Variants in VWDE observed in about 807,000 individuals in gnomAD.
VWDE encodes von Willebrand factor D and EGF domain-containing protein.
VWDE carries 207 observed loss-of-function variants against 178.4 expected under a neutral mutation model. The observed-to-expected ratio is 1.16, with a 90% CI of 1.04 to 1.30. VWDE has a LOEUF of 1.30. VWDE is among the 50% of genes most tolerant of loss of function. The pLI is 0.00. For synonymous variants in VWDE, 738 were observed against 651.4 expected (o/e 1.13, Z -2.02); for missense variants, 2,287 against 1,901.3 (o/e 1.20, Z -3.77).
At chr7:12,395,415 A>G (rs1390127620) in intron 1 of VWDE, among the ~76,000 whole-genome samples, 4 of 152,070 alleles carry the variant, frequency 2.6e-5, no homozygotes, top group Admixed American at 1.3e-4. Flanking sequence ...GAAAAAAATC[A>G]ATAACTCCAT....
rs1389102375 is a variant in VWDE at position 12,356,174 on chromosome 7, C to T, written c.3682G>A (p.Gly1228Ser). The change falls in exon 18 of 29, where the codon GGT (glycine) becomes AGT (serine). Residue 1228 changes from glycine to serine, a missense_variant. By Grantham distance (56) the Gly-to-Ser change is moderately conservative. Transcript: ENST00000275358. ...AAACCACTAATATAGCTGCCAAGAC[C>T]ACAAGGGTTGGATTGGCACCCACTA... ...DISGCQSNPCGLGSYISGFHS... is the reference protein window; with the variant it reads ...DISGCQSNPCSLGSYISGFHS... 6.4e-6 allele frequency: 10 copies of T among 1,551,406 alleles called. 1 individual carries two copies. Among genetic ancestry groups the T allele is most frequent in the African/African-American group, 2.7e-5 (2 of 73,086 alleles).
chr7:12,364,857 T>A (rs1054292868), intron 13 of VWDE, among the ~76,000 whole-genome samples: 1 of 152,042 alleles, frequency 6.6e-6, no homozygotes, highest in Non-Finnish European at 1.5e-5. Flanking sequence ...AACAGGGAGC[T>A]TAAAGTGAAG....
intron 15 of VWDE, 91 bp from the exon 16 acceptor site, chr7:12,359,783 A>G (rs966935673): frequency 2.8e-6 from 2 of 723,970 alleles, no homozygotes; most frequent in Middle Eastern, 3.1e-4. Context: ...TGTATTGATG[A>G]TTCCAACGAA....
At position 12,340,360 on chromosome 7, in the gene VWDE, A is replaced by G; in HGVS notation, c.4328T>C (p.Leu1443Pro). Residue 1443 changes from leucine (L) to proline (P), a missense_variant, in exon 24 of 29, where the codon CTC becomes CCC. Physicochemically the swap from Leu to Pro is moderately conservative, Grantham distance 98. Transcript: ENST00000275358. Reference sequence around the variant, plus strand: ...TTCCCCAAAGAATCCATTTGGACAGAGGCAAGTATTTGGCTTATTACACGA... The same window carrying G: ...TTCCCCAAAGAATCCATTTGGACAGGGGCAAGTATTTGGCTTATTACACGA... ...GGSCNKPNTC[L>P]CPNGFFGEHC... 1 of 1,551,522 alleles carries G rather than the reference A, an allele frequency of 6.4e-7. No individual in the cohort carries two copies. Among genetic ancestry groups the G allele is most frequent in the Non-Finnish European group, 8.7e-7 (1 of 1,146,840 alleles).
At chr7:12,376,560 A>G (rs944258007) in intron 7 of VWDE, among the ~76,000 whole-genome samples, 2 of 152,120 alleles carry the variant, frequency 1.3e-5, no homozygotes, top group African/African-American at 4.8e-5. Flanking sequence ...CCTGTAACTG[A>G]AGAAAATCTT....
chr7:12,361,428 C>T lies in VWDE; in HGVS notation c.2992G>A (p.Val998Ile). The T allele has an allele frequency of 6.4e-7, 1 of 1,551,178 alleles. No individual in the cohort carries two copies. ...AGATCCATGGTATCAAACTGCTGAA[C>T]ATCAGTGGGCAGCTGACAATCAACA... ...RAVDCQLPTD[V>I]QQFDTMDLVG... Residue 998 changes from valine to isoleucine, a missense_variant, in exon 14 of 29, where the codon GTT becomes ATT. By Grantham distance (29) the Val-to-Ile change is conservative (BLOSUM62 3). Transcript: ENST00000275358.
intron 1 of VWDE, among the ~76,000 whole-genome samples, chr7:12,401,365 C>A (rs1233952148): frequency 6.6e-6 from 1 of 151,984 alleles, no homozygotes; most frequent in Non-Finnish European, 1.5e-5. Context: ...TTTCCACGAC[C>A]CACAGAATGG....
intron 6 of VWDE, 59 bp downstream of exon 6, chr7:12,379,418 G>T: frequency 7.7e-7 from 1 of 1,305,582 alleles, no homozygotes; most frequent in Non-Finnish European, 1.1e-6. Flanking sequence ...ACAGATCACA[G>T]TTTGGGAAAC....
intron 13 of VWDE, 78 bp downstream of exon 13, chr7:12,367,279 A>C (rs1782912623): frequency 9.3e-6 from 11 of 1,181,668 alleles, no homozygotes; most frequent in Non-Finnish European, 1.2e-5. Context: ...GCTAATTGAT[A>C]GACCGAATTA....
Position 12,370,144 on chromosome 7 carries a change from T to G in VWDE, c.2162A>C (p.Asp721Ala). 6.4e-7 allele frequency: 1 copy of G among 1,551,522 alleles called. No individual in the cohort carries two copies. Among genetic ancestry groups the G allele is most frequent in the South Asian group, 1.2e-5 (1 of 84,060 alleles). ...CTTATTGGCCAAATATTGTAGTGAATCTTCTTTCTCATTTCCAGGATGTTT... is the reference window on the plus strand; with the variant it reads ...CTTATTGGCCAAATATTGTAGTGAAGCTTCTTTCTCATTTCCAGGATGTTT... ...VQKHPGNEKE[D>A]SLQYLANKKY... Residue 721 changes from aspartate (D) to alanine (A), a missense_variant, in exon 12 of 29, where the codon GAT (aspartate) becomes GCT (alanine). Asp to Ala is a moderately radical substitution (Grantham distance 126). Transcript: ENST00000275358.
Position 12,393,823 on chromosome 7 carries a change from T to C in VWDE, c.59-45A>G, listed in dbSNP as rs956797807. On this transcript the variant is annotated intron_variant, in intron 1 of 28. Transcript: ENST00000275358. ...GTTTTTATGTAATGTGTTTTGTTTG[T>C]TGACATAGTTCGGTCCTCAATTAAA... The C allele has an allele frequency of 2.1e-6, 3 of 1,462,162 alleles. No homozygotes were observed. The African/African-American group carries it at 4.3e-5, about 21-fold the overall frequency. The allele number at this position is 1,462,162 out of a possible 1,614,324, so 90.6% of individuals were successfully genotyped here. A position where few individuals can be genotyped will look rare whatever the true frequency, so the allele number is the denominator to read the frequency against.
chr7:12,347,411 G>A (rs1445817552), intron 19 of VWDE, among the ~76,000 whole-genome samples: 1 of 152,076 alleles, frequency 6.6e-6, no homozygotes, highest in Non-Finnish European at 1.5e-5. Flanking sequence ...ATGTTCCTAT[G>A]AAGGTATATA....
intron 19 of VWDE, among the ~76,000 whole-genome samples, chr7:12,346,311 G>A (rs1781595199): frequency 1.3e-5 from 2 of 152,108 alleles, no homozygotes; most frequent in Admixed American, 1.3e-4. Context: ...GAGCAATTTA[G>A]AATATTGTCA....
chr7:12,339,127 T>G (rs1781192021), intron 24 of VWDE, among the ~76,000 whole-genome samples: 1 of 152,114 alleles, frequency 6.6e-6, no homozygotes, highest in Admixed American at 6.5e-5. Flanking sequence ...GGCAAGCTCA[T>G]TGTAAAACCT....
chr7:12,367,614 A>AT (rs1318059474), intron 12 of VWDE, 121 bp from the exon 13 acceptor site: 1 of 834,060 alleles, frequency 1.2e-6, no homozygotes, highest in Non-Finnish European at 1.7e-6. Context: ...TATACCTAAA[A>AT]TGCTGCTTAC....
chr7:12,374,035 T>C (rs1323034457), intron 9 of VWDE, among the ~76,000 whole-genome samples: 1 of 152,076 alleles, frequency 6.6e-6, no homozygotes, highest in Non-Finnish European at 1.5e-5. Context: ...CCACAACCAT[T>C]TGCATCATGA....
intron 2 of VWDE, 136 bp from the exon 3 acceptor site, chr7:12,389,494 C>T: frequency 1.6e-6 from 1 of 629,842 alleles, no homozygotes; most frequent in South Asian, 2.2e-5. Flanking sequence ...TGTACCTGTT[C>T]TATACAAGGA....
rs1335538462 is a variant in VWDE at position 12,379,523 on chromosome 7, A to G, written c.833T>C (p.Val278Ala). Residue 278 changes from valine to alanine, a missense_variant, in exon 6 of 29, where the codon GTA (valine) becomes GCA (alanine). Coordinates refer to ENST00000275358, the MANE Select transcript of VWDE (RefSeq NM_001135924.3). ...TTGGCTTTCGATGGCTACACTTTGT[A>G]CATGAGGATTCTCCAAGAAAAAGAC... The part of the protein sequence containing the change: ...ASVFFLENPH[V>A]QSVAIESQEF... 3 of 1,550,652 alleles carry G rather than the reference A, an allele frequency of 1.9e-6. No individual in the cohort carries two copies. Among genetic ancestry groups the G allele is most frequent in the South Asian group, 2.4e-5 (2 of 83,948 alleles).
chr7:12,388,815 C>T (rs1176617431), intron 3 of VWDE: 1 of 471,222 alleles, frequency 2.1e-6, no homozygotes, highest in African/African-American at 2.0e-5. Context: ...CACCCTTCTT[C>T]ATCCTTTAAT....
Sources: gnomAD v4.1 joint callset for allele counts (sites outside exome capture counted in the v4.1 genomes callset) on GRCh38, gnomAD v4.1.1 for gene constraint, MANE v1.5 for transcripts, NCBI Gene and HGNC (gene_info 2026-07-23, HGNC 2026-07-21) for gene names.